Variants in VAT1L observed in about 807,000 individuals in gnomAD.
VAT1L encodes putative NADPH-dependent quinone oxidoreductase VAT1L.
VAT1L carries 34 observed loss-of-function variants against 44.1 expected under a neutral mutation model. That is an observed-to-expected ratio of 0.77 (90% CI 0.59 to 1.03). The LOEUF is 1.03. Ranked by LOEUF, VAT1L falls within the 50% of genes least tolerant of loss-of-function variation. VAT1L has a pLI of 0.00. For synonymous variants in VAT1L, 253 were observed against 202.2 expected, an observed-to-expected ratio of 1.25 and a Z score of -2.13; for missense variants, 615 against 538.8, an observed-to-expected ratio of 1.14 and a Z score of -1.40.
At chr16:77,920,784 A>G (rs1380202563) in intron 7 of VAT1L, among the ~76,000 whole-genome samples, 2 of 152,318 alleles carry the variant, frequency 1.3e-5, no homozygotes, top group Non-Finnish European at 2.9e-5. Flanking sequence ...TCTAGGAGCA[A>G]TAAACTGTAC....
At chr16:77,910,395 A>G (rs994518367) in intron 7 of VAT1L, among the ~76,000 whole-genome samples, 25 of 152,186 alleles carry the variant, frequency 1.6e-4, no homozygotes, top group Non-Finnish European at 2.9e-4. Flanking sequence ...CTAGGTGGCC[A>G]GGCGTGGTGG....
At chr16:77,837,243 G>A (rs1203253227) in intron 3 of VAT1L, among the ~76,000 whole-genome samples, 2 of 152,156 alleles carry the variant, frequency 1.3e-5, no homozygotes, top group Non-Finnish European at 2.9e-5. Flanking sequence ...GAGGAAGAGG[G>A]GAGGATCTTT....
At chr16:77,839,112 G>T (rs938771180) in intron 3 of VAT1L, among the ~76,000 whole-genome samples, 2 of 152,142 alleles carry the variant, frequency 1.3e-5, no homozygotes, top group Non-Finnish European at 2.9e-5. Flanking sequence ...ACATGAGGAC[G>T]TAAGTGCCTG....
At chr16:77,917,239 G>T (rs1420992586) in intron 7 of VAT1L, among the ~76,000 whole-genome samples, 1 of 152,066 alleles carries the variant, frequency 6.6e-6, no homozygotes, top group Admixed American at 6.6e-5. Context: ...AGAGACAGGA[G>T]GTAGGACCAG....
chr16:77,803,831 A>G (rs1007742848), intron 1 of VAT1L, among the ~76,000 whole-genome samples: 15 of 152,186 alleles, frequency 9.9e-5, no homozygotes, highest in African/African-American at 1.4e-4. Flanking sequence ...TGAGAAATCA[A>G]ACCATCATTA....
chr16:77,826,079 C>T (rs1597053803), intron 3 of VAT1L, among the ~76,000 whole-genome samples: 1 of 139,000 alleles, frequency 7.2e-6, no homozygotes, highest in African/African-American at 2.7e-5. Flanking sequence ...TAGTGGCGGG[C>T]GCCTGTAGTC....
At chr16:77,860,356 G>A (rs1308125820) in intron 3 of VAT1L, among the ~76,000 whole-genome samples, 3 of 150,244 alleles carry the variant, frequency 2.0e-5, no homozygotes, top group Admixed American at 6.7e-5. Flanking sequence ...GCCAGGTGGA[G>A]ACAAATGCCA....
rs577099970 is a variant in VAT1L at position 77,922,945 on chromosome 16, G to A, written c.1077+38143G>A. On this transcript the variant is annotated intron_variant, in intron 7 of 8. Coordinates refer to ENST00000302536, the MANE Select transcript of VAT1L (RefSeq NM_020927.3). Reference sequence around the variant, plus strand: ...GATTCCGGGACCTCAACCCAGACCTGTTTGTTCAATCTTCGTTGACGTCTA... The same window carrying A: ...GATTCCGGGACCTCAACCCAGACCTATTTGTTCAATCTTCGTTGACGTCTA... 1.1e-4 allele frequency among the ~76,000 whole-genome samples: 17 copies of A among 152,262 alleles called. No homozygotes were observed. In the East Asian group the frequency reaches 3.1e-3, roughly 28 times the overall value.
At chr16:77,948,879 G>A (rs1472734209) in intron 7 of VAT1L, among the ~76,000 whole-genome samples, 1 of 152,186 alleles carries the variant, frequency 6.6e-6, no homozygotes, top group African/African-American at 2.4e-5. Context: ...ATAATGAGGA[G>A]TGAAGGGACT....
At chr16:77,924,096 A>C (rs2017641069) in intron 7 of VAT1L, among the ~76,000 whole-genome samples, 1 of 152,142 alleles carries the variant, frequency 6.6e-6, no homozygotes, top group Non-Finnish European at 1.5e-5. Context: ...CCTTGTCTCC[A>C]TGTGTACATA....
At chr16:77,827,080 A>G (rs189741493) in intron 3 of VAT1L, among the ~76,000 whole-genome samples, 2 of 152,376 alleles carry the variant, frequency 1.3e-5, no homozygotes, top group Admixed American at 1.3e-4. Context: ...GGAATGCCTT[A>G]AGAAAAATAT....
chr16:77,837,898 C>G (rs1221930805), intron 3 of VAT1L, among the ~76,000 whole-genome samples: 1 of 152,204 alleles, frequency 6.6e-6, no homozygotes, highest in Non-Finnish European at 1.5e-5. Context: ...ATTATTATCA[C>G]TGTCTCATTA....
intron 7 of VAT1L, among the ~76,000 whole-genome samples, chr16:77,952,955 T>G (rs559805959): frequency 9.2e-5 from 14 of 151,850 alleles, no homozygotes; most frequent in Non-Finnish European, 1.8e-4. Flanking sequence ...TGACTTTATT[T>G]GGAAACGGGG....
At chr16:77,892,326 C>A in intron 7 of VAT1L, 2 of 295,394 alleles carry the variant, frequency 6.8e-6, no homozygotes, top group Non-Finnish European at 1.3e-5. Flanking sequence ...GGCATGGACC[C>A]TCTTTAAAGA....
chr16:77,942,393 G>C (rs2017897493), intron 7 of VAT1L, among the ~76,000 whole-genome samples: 1 of 152,118 alleles, frequency 6.6e-6, no homozygotes, highest in Non-Finnish European at 1.5e-5. Context: ...TTCAAGATGA[G>C]ATTTGGGTGG....
chr16:77,908,046 C>T lies in VAT1L; in HGVS notation c.1077+23244C>T, dbSNP rs1234677321. Among the ~76,000 whole-genome samples the T allele has an allele frequency of 3.9e-5, 6 of 152,234 alleles. No individual in the cohort carries two copies. In the East Asian group the frequency reaches 1.2e-3, roughly 29 times the overall value. ...ACCAGGTCAGGAGATTGAGACCATC[C>T]TGGCTAACATGGTGAAACCCCGTCT... On this transcript the variant is annotated intron_variant, in intron 7 of 8. Coordinates refer to ENST00000302536, the MANE Select transcript of VAT1L (RefSeq NM_020927.3).
chr16:77,942,592 A>G (rs1208607785), intron 7 of VAT1L, among the ~76,000 whole-genome samples: 1 of 152,218 alleles, frequency 6.6e-6, no homozygotes, highest in Non-Finnish European at 1.5e-5. Flanking sequence ...TCTTGCATCC[A>G]TAGTTGCCTC....
At chr16:77,812,378 C>T (rs556248766) in intron 1 of VAT1L, among the ~76,000 whole-genome samples, 4 of 152,172 alleles carry the variant, frequency 2.6e-5, no homozygotes, top group South Asian at 2.1e-4. Flanking sequence ...CTGCCGTTCC[C>T]GAATCTTAAA....
intron 7 of VAT1L, among the ~76,000 whole-genome samples, chr16:77,921,355 A>G (rs1485231063): frequency 1.3e-5 from 2 of 152,184 alleles, no homozygotes; most frequent in African/African-American, 2.4e-5. Context: ...AAGCAGCTCT[A>G]TTGTGTATCT....
Sources: gnomAD v4.1 joint callset for allele counts (sites outside exome capture counted in the v4.1 genomes callset) on GRCh38, gnomAD v4.1.1 for gene constraint, MANE v1.5 for transcripts, NCBI Gene and HGNC (gene_info 2026-07-23, HGNC 2026-07-21) for gene names.